The following KLF8 variants were observed in gnomAD, a reference collection of about 807,000 sequenced individuals.
The protein encoded by KLF8 is Krueppel-like factor 8.
A neutral mutation model predicts 18.2 loss-of-function variants in KLF8; 10 were observed. The ratio of observed to expected loss-of-function variants is 0.55; its 90% CI spans 0.34 to 0.93. The LOEUF (loss-of-function observed/expected upper bound fraction) is 0.93, where lower values mean the gene tolerates loss of function less well. KLF8 is among the 40% of genes least tolerant of loss of function. The pLI, the probability that KLF8 is intolerant of heterozygous loss-of-function variation, is 0.02. For missense variants in KLF8, 264 were observed against 277.9 expected (o/e 0.95, Z 0.36); for synonymous variants, 109 against 97.3 (o/e 1.12, Z -0.71).
chrX:56,062,322 TG>T, the KLF8 span, among the ~76,000 whole-genome samples: 1 of 111,306 alleles, frequency 9.0e-6, no homozygotes, highest in Non-Finnish European at 1.9e-5. Context: ...TTTGTGTTTT[TG>T]TCTTTGTTTT....
chrX:56,251,803 A>T (rs1417656422), intron 2 of KLF8, among the ~76,000 whole-genome samples: 1 of 111,129 alleles, frequency 9.0e-6, no homozygotes, highest in Non-Finnish European at 1.9e-5. Flanking sequence ...GTATATATTT[A>T]TGGGATACAT....
chrX:56,038,813 C>T, the KLF8 span, among the ~76,000 whole-genome samples: 2 of 112,606 alleles, frequency 1.8e-5, no homozygotes, highest in African/African-American at 6.4e-5. Context: ...AATGATTGAA[C>T]TAATGTACGT....
At chrX:56,056,127 C>A in the KLF8 span, among the ~76,000 whole-genome samples, 1 of 111,796 alleles carries the variant, frequency 8.9e-6, no homozygotes, top group African/African-American at 3.3e-5. Context: ...ATTTGGAAGA[C>A]CAAGGCACTC....
the KLF8 span, among the ~76,000 whole-genome samples, chrX:56,048,769 A>G: frequency 1.8e-5 from 2 of 111,679 alleles, no homozygotes; most frequent in African/African-American, 6.5e-5. Context: ...TTGGTTCCAT[A>G]TGAACTTTAA....
chrX:56,087,699 A>G, the KLF8 span, among the ~76,000 whole-genome samples: 1 of 111,895 alleles, frequency 8.9e-6, no homozygotes, highest in Non-Finnish European at 1.9e-5. Flanking sequence ...GAGATAATGG[A>G]GCTCTGTTCT....
the KLF8 span, among the ~76,000 whole-genome samples, chrX:56,159,201 G>C: frequency 8.9e-6 from 1 of 111,993 alleles, no homozygotes; most frequent in African/African-American, 3.2e-5. Context: ...ATTGATTTGC[G>C]TATTTTGAAC....
chrX:56,261,641 CT>C (rs2066883922), intron 2 of KLF8, among the ~76,000 whole-genome samples: 1 of 111,154 alleles, frequency 9.0e-6, no homozygotes, highest in Admixed American at 9.6e-5. Context: ...TCTTCAGAAC[CT>C]TCAAGCATAA....
At chrX:56,056,931 TG>T in the KLF8 span, among the ~76,000 whole-genome samples, 1 of 108,679 alleles carries the variant, frequency 9.2e-6, no homozygotes, top group South Asian at 4.0e-4. Flanking sequence ...TCAGCCAAAA[TG>T]TTTTGTAATG....
At chrX:56,264,401 G>T (rs906122556) in intron 2 of KLF8, among the ~76,000 whole-genome samples, 122 of 108,109 alleles carry the variant, frequency 1.1e-3, no homozygotes, top group African/African-American at 4.0e-3. Context: ...ACTAATAAAT[G>T]TATTTATTGG....
intron 2 of KLF8, among the ~76,000 whole-genome samples, chrX:56,264,314 AAAT>A (rs1298902176): frequency 9.0e-6 from 1 of 111,172 alleles, no homozygotes; most frequent in African/African-American, 3.3e-5. Flanking sequence ...TTAAACTAAT[AAAT>A]GTATTTATTA....
At chrX:56,122,523 G>A in the KLF8 span, among the ~76,000 whole-genome samples, 1 of 111,459 alleles carries the variant, frequency 9.0e-6, no homozygotes, top group Non-Finnish European at 1.9e-5. Context: ...AAGGAGAGAT[G>A]AAGGAGTTTT....
At chrX:56,212,395 G>A in the KLF8 span, among the ~76,000 whole-genome samples, 1 of 112,194 alleles carries the variant, frequency 8.9e-6, no homozygotes, top group Non-Finnish European at 1.9e-5. Flanking sequence ...ATTCACGTAA[G>A]TGTTGCAGTC....
At chrX:56,006,052 G>T in the KLF8 span, among the ~76,000 whole-genome samples, 2 of 112,350 alleles carry the variant, frequency 1.8e-5, no homozygotes, top group Admixed American at 1.9e-4. Flanking sequence ...AGGCTGTCCT[G>T]CTCTCTCCAG....
At chrX:56,030,974 G>T in the KLF8 span, among the ~76,000 whole-genome samples, 402 of 110,515 alleles carry the variant, frequency 3.6e-3, 2 homozygotes, top group African/African-American at 0.012. Flanking sequence ...GTCCTGGCTT[G>T]CCAGTTACTT....
At chrX:56,139,608 A>C in the KLF8 span, among the ~76,000 whole-genome samples, 1 of 111,879 alleles carries the variant, frequency 8.9e-6, no homozygotes, top group Non-Finnish European at 1.9e-5. Context: ...TCTTCCTTTC[A>C]CCATACACAA....
At chrX:56,265,789 C>T (rs1182725497) in intron 3 of KLF8, 45 bp downstream of exon 3, 4 of 1,159,876 alleles carry the variant, frequency 3.4e-6, no homozygotes, top group African/African-American at 1.8e-5. Context: ...TGAATCTATT[C>T]CCTTTTAGAG....
the KLF8 span, among the ~76,000 whole-genome samples, chrX:56,078,957 T>C: frequency 2.7e-5 from 3 of 109,367 alleles, no homozygotes; most frequent in African/African-American, 9.9e-5. Flanking sequence ...TCTCTGATGG[T>C]AGTTTGTATT....
chrX:56,244,633 A>G (rs776548857), intron 1 of KLF8, among the ~76,000 whole-genome samples: 66 of 112,394 alleles, frequency 5.9e-4, no homozygotes, highest in African/African-American at 2.1e-3. Flanking sequence ...GTCGGCTGTT[A>G]TAGTTCTTTT....
the KLF8 span, among the ~76,000 whole-genome samples, chrX:55,978,441 A>T: frequency 8.9e-6 from 1 of 112,180 alleles, no homozygotes; most frequent in Non-Finnish European, 1.9e-5. Flanking sequence ...CTTTACAAAA[A>T]TCTCATCAGG....
Sources: allele counts gnomAD v4.1 joint callset (sites outside exome capture counted in the v4.1 genomes callset), GRCh38; gene constraint gnomAD v4.1.1; transcripts MANE v1.5; gene names NCBI Gene and HGNC (gene_info 2026-07-23, HGNC 2026-07-21).